SLMAP: variants seen among roughly 807,000 people sequenced by gnomAD.
SLMAP encodes the protein sarcolemmal membrane-associated protein.
A neutral mutation model predicts 128.8 loss-of-function variants in SLMAP; 44 were observed. The observed-to-expected ratio is 0.34, with a 90% CI of 0.27 to 0.44. The LOEUF (loss-of-function observed/expected upper bound fraction) is 0.44, where lower values mean the gene tolerates loss of function less well. Ranked by LOEUF, SLMAP falls within the 20% of genes least tolerant of loss-of-function variation. SLMAP has a pLI of 1.00. For synonymous variants in SLMAP, 327 were observed against 348.8 expected (o/e 0.94, Z 0.70); for missense variants, 787 against 985.3 (o/e 0.80, Z 2.69).
chr3:57,911,205 T>G (rs1202098852), intron 19 of SLMAP, among the ~76,000 whole-genome samples: 1 of 152,182 alleles, frequency 6.6e-6, no homozygotes, highest in African/African-American at 2.4e-5. Flanking sequence ...GGTGCCAGCA[T>G]GTGTATTTCA....
chr3:57,906,308 T>TCTTTG (rs1198152320), intron 17 of SLMAP, among the ~76,000 whole-genome samples: 1 of 97,676 alleles, frequency 1.0e-5, no homozygotes, highest in Non-Finnish European at 2.2e-5. Context: ...TTCTTTTTTT[T>TCTTTG]TCTTTTTTTT....
chr3:57,772,470 G>T (rs547603223), intron 2 of SLMAP, among the ~76,000 whole-genome samples: 1 of 152,310 alleles, frequency 6.6e-6, no homozygotes. Context: ...CACAGAAGTG[G>T]CGTTGTGCAG....
rs560251512 is a variant in SLMAP, at chr3:57,851,862, C to T, written c.519+2046C>T. On this transcript the variant is annotated intron_variant, in intron 6 of 24. Coordinates refer to ENST00000671191, the MANE Select transcript of SLMAP (RefSeq NM_001377540.1). ...AGTGAGTCATTTTATGTGGGTAGGC[C>T]TTCAGTTGTCTTTTGTTTCAAATAA... 1.2e-4 allele frequency among the ~76,000 whole-genome samples: 18 copies of T among 152,146 alleles called. No homozygotes were observed. In the South Asian group the frequency reaches 3.7e-3, roughly 32 times the overall value.
At chr3:57,812,895 T>C (rs1393866248) in intron 2 of SLMAP, among the ~76,000 whole-genome samples, 2 of 152,056 alleles carry the variant, frequency 1.3e-5, no homozygotes, top group African/African-American at 4.8e-5. Context: ...AATGAGATTG[T>C]TTTTATAATT....
intron 2 of SLMAP, among the ~76,000 whole-genome samples, chr3:57,776,427 TGATA>T (rs2081943351): frequency 6.6e-6 from 1 of 152,000 alleles, no homozygotes; most frequent in African/African-American, 2.4e-5. Context: ...CAGAATTGAG[TGATA>T]GATCAAATAA....
At chr3:57,812,047 T>G (rs566766000) in intron 2 of SLMAP, among the ~76,000 whole-genome samples, 1 of 152,338 alleles carries the variant, frequency 6.6e-6, no homozygotes, top group South Asian at 2.1e-4. Flanking sequence ...CTGTTGATAG[T>G]GCCCTTTGAC....
intron 2 of SLMAP, among the ~76,000 whole-genome samples, chr3:57,799,457 C>T (rs1444242587): frequency 2.0e-5 from 3 of 152,162 alleles, no homozygotes; most frequent in Admixed American, 6.5e-5. Flanking sequence ...AAATTCCCCA[C>T]GTTTACTTTT....
At chr3:57,840,467 T>C (rs749844795) in intron 3 of SLMAP, among the ~76,000 whole-genome samples, 41 of 152,292 alleles carry the variant, frequency 2.7e-4, no homozygotes, top group Admixed American at 5.9e-4. Flanking sequence ...GAAAATGTAA[T>C]ACAGTATTTG....
At chr3:57,919,912 C>G (rs1182487578) in intron 22 of SLMAP, among the ~76,000 whole-genome samples, 1 of 152,212 alleles carries the variant, frequency 6.6e-6, no homozygotes, top group Non-Finnish European at 1.5e-5. Context: ...TTGCCACCCC[C>G]TCACGTACTG....
rs535992664 is a variant in SLMAP, at chr3:57,781,793, C to T, written c.198+23944C>T. Reference sequence around the variant, plus strand: ...TGTTGTCCAGGCTGGAGTGCAGTGGCGCAATTTCAGCTCACTGCAACCTCT... The same window carrying T: ...TGTTGTCCAGGCTGGAGTGCAGTGGTGCAATTTCAGCTCACTGCAACCTCT... On this transcript the variant is annotated intron_variant, in intron 2 of 24. Transcript: ENST00000671191. Among the ~76,000 whole-genome samples the T allele has an allele frequency of 9.5e-5, 12 of 126,818 alleles. No individual in the cohort carries two copies. In the South Asian group the frequency reaches 1.7e-3, roughly 18 times the overall value. 83.2% of individuals were successfully genotyped at this position (126,818 alleles called of 152,430 possible). A position where few individuals can be genotyped will look rare whatever the true frequency, so the allele number is the denominator to read the frequency against.
intron 2 of SLMAP, among the ~76,000 whole-genome samples, chr3:57,785,181 TAATC>T (rs1423088209): frequency 6.6e-6 from 1 of 152,218 alleles, no homozygotes; most frequent in African/African-American, 2.4e-5. Flanking sequence ...GTACATTTCT[TAATC>T]TACATAAAAT....
intron 22 of SLMAP, among the ~76,000 whole-genome samples, chr3:57,921,784 C>T (rs147294238): frequency 0.013 from 1,925 of 152,226 alleles, 28 homozygotes; most frequent in African/African-American, 0.044. Flanking sequence ...CAGCTCACTG[C>T]AACTTCCACC....
intron 17 of SLMAP, chr3:57,900,349 CTATT>C (rs1434675758): frequency 1.3e-5 from 2 of 152,158 alleles, no homozygotes; most frequent in Non-Finnish European, 2.9e-5. Context: ...TCATTTCTAT[CTATT>C]TAGTTACTTT....
At chr3:57,768,443 G>T (rs888252822) in intron 2 of SLMAP, among the ~76,000 whole-genome samples, 1 of 152,156 alleles carries the variant, frequency 6.6e-6, no homozygotes, top group South Asian at 2.1e-4. Context: ...AGCAGGCCAG[G>T]TGTGGTGGCT....
chr3:57,916,658 C>T (rs1412147582), intron 21 of SLMAP, among the ~76,000 whole-genome samples: 1 of 152,074 alleles, frequency 6.6e-6, no homozygotes, highest in Admixed American at 6.5e-5. Flanking sequence ...CAGTTAATTA[C>T]CTCCTATTTC....
chr3:57,866,417 G>T (rs1560317338), intron 13 of SLMAP, among the ~76,000 whole-genome samples: 3 of 152,142 alleles, frequency 2.0e-5, no homozygotes, highest in Admixed American at 2.0e-4. Flanking sequence ...GTTTGGTCAG[G>T]TTTTAATCAA....
At chr3:57,775,381 C>T (rs1004668429) in intron 2 of SLMAP, among the ~76,000 whole-genome samples, 7 of 152,040 alleles carry the variant, frequency 4.6e-5, no homozygotes, top group Non-Finnish European at 7.4e-5. Flanking sequence ...TTTAAAAATA[C>T]TTGTGGCTGG....
At chr3:57,909,503 G>GA (rs558353210) in intron 19 of SLMAP, among the ~76,000 whole-genome samples, 23,241 of 125,928 alleles carry the variant, frequency 0.18, 2,352 homozygotes, top group East Asian at 0.45. Context: ...CTCCATCTCA[G>GA]AAAAAAAAAA....
chr3:57,868,494 G>A (rs2153611233), intron 13 of SLMAP, among the ~76,000 whole-genome samples: 1 of 151,738 alleles, frequency 6.6e-6, no homozygotes, highest in African/African-American at 2.4e-5. Context: ...GGGAGGCTAA[G>A]CAGGGAAGAC....
Sources: gnomAD v4.1 joint callset for allele counts (sites outside exome capture counted in the v4.1 genomes callset) on GRCh38, gnomAD v4.1.1 for gene constraint, MANE v1.5 for transcripts, NCBI Gene and HGNC (gene_info 2026-07-23, HGNC 2026-07-21) for gene names.